The following DDX10 variants were observed in gnomAD, a reference collection of about 807,000 sequenced individuals.
DDX10 encodes the protein DEAD-box helicase 10.
Under a neutral mutation model 104.3 loss-of-function variants are expected in DDX10, and 74 were observed. The ratio of observed to expected loss-of-function variants is 0.71; its 90% confidence interval spans 0.59 to 0.86. The LOEUF (loss-of-function observed/expected upper bound fraction) is 0.86. Among genes scored for constraint, DDX10 ranks in the 40% least tolerant of loss-of-function variants. DDX10 has a pLI of 0.00. For synonymous variants in DDX10, 351 were observed against 353.4 expected, an observed-to-expected ratio of 0.99 and a Z score of 0.08; for missense variants, 952 against 1,040.0, an observed-to-expected ratio of 0.92 and a Z score of 1.16.
intron 13 of DDX10, among the ~76,000 whole-genome samples, chr11:108,791,584 A>G (rs1049750831): frequency 6.6e-6 from 1 of 152,118 alleles, no homozygotes; most frequent in African/African-American, 2.4e-5. Flanking sequence ...TCATCATTTC[A>G]TAGAGTTCTC....
intron 9 of DDX10, among the ~76,000 whole-genome samples, chr11:108,697,056 G>C (rs1289931142): frequency 6.6e-6 from 1 of 152,124 alleles, no homozygotes; most frequent in East Asian, 1.9e-4. Context: ...ACATTATTGT[G>C]TCTGAAGAGA....
chr11:108,884,124 C>T (rs897360626), intron 16 of DDX10, among the ~76,000 whole-genome samples: 1 of 152,174 alleles, frequency 6.6e-6, no homozygotes, highest in African/African-American at 2.4e-5. Flanking sequence ...TATTTAACTG[C>T]CTACTTAATA....
chr11:108,873,512 G>T (rs1863110042), intron 16 of DDX10, among the ~76,000 whole-genome samples: 1 of 152,002 alleles, frequency 6.6e-6, no homozygotes. Context: ...CTAATCTGTG[G>T]TTATCTTTGT....
intron 10 of DDX10, among the ~76,000 whole-genome samples, chr11:108,710,699 A>G (rs553689138): frequency 6.6e-6 from 1 of 152,194 alleles, no homozygotes; most frequent in African/African-American, 2.4e-5. Flanking sequence ...ATAGTTGTTT[A>G]TCATTTTCAA....
chr11:108,723,507 T>C (rs1360816779), intron 13 of DDX10, 45 bp downstream of exon 13: 3 of 1,532,692 alleles, frequency 2.0e-6, no homozygotes, highest in Non-Finnish European at 2.6e-6. Flanking sequence ...ATTGTCTTAC[T>C]ATGTGCTTAT....
At chr11:108,917,527 G>C (rs1413841482) in intron 16 of DDX10, among the ~76,000 whole-genome samples, 1 of 152,046 alleles carries the variant, frequency 6.6e-6, no homozygotes, top group Admixed American at 6.6e-5. Flanking sequence ...TCATCCTCCT[G>C]AGTAGCTGGG....
intron 13 of DDX10, among the ~76,000 whole-genome samples, chr11:108,821,733 A>G (rs1862327625): frequency 6.6e-6 from 1 of 152,228 alleles, no homozygotes; most frequent in African/African-American, 2.4e-5. Context: ...TTTTTAAAAA[A>G]ATGTGAGAAT....
At chr11:108,874,717 T>C (rs1364161468) in intron 16 of DDX10, among the ~76,000 whole-genome samples, 5 of 152,282 alleles carry the variant, frequency 3.3e-5, no homozygotes, top group East Asian at 1.9e-4. Context: ...TGTATCTCTT[T>C]AGTAGCTCTA....
At chr11:108,900,093 C>G (rs922203085) in intron 16 of DDX10, among the ~76,000 whole-genome samples, 1 of 150,926 alleles carries the variant, frequency 6.6e-6, no homozygotes, top group Non-Finnish European at 1.5e-5. Flanking sequence ...GCCTGGACAG[C>G]AAGAGCAAAA....
At chr11:108,926,507 C>T (rs1163491677) in intron 17 of DDX10, among the ~76,000 whole-genome samples, 2 of 152,142 alleles carry the variant, frequency 1.3e-5, no homozygotes, top group Non-Finnish European at 2.9e-5. Context: ...CCAGTTTTTT[C>T]CTCTCCTTTT....
intron 13 of DDX10, chr11:108,727,902 C>A (rs140298505): frequency 1.1e-5 from 2 of 175,562 alleles, no homozygotes; most frequent in Non-Finnish European, 2.4e-5. Context: ...TCAACTTTAG[C>A]GTTCCTATTT....
chr11:108,720,227 G>C (rs1023248481), intron 12 of DDX10, among the ~76,000 whole-genome samples: 1 of 152,166 alleles, frequency 6.6e-6, no homozygotes, highest in African/African-American at 2.4e-5. Flanking sequence ...TCAGGGAGCA[G>C]TTTATTATTT....
At chr11:108,678,190 T>C (rs1565243414) in intron 4 of DDX10, 125 bp from the exon 5 acceptor site, 1 of 938,604 alleles carries the variant, frequency 1.1e-6, no homozygotes. Flanking sequence ...GGAAAAGTTA[T>C]GTTTATTTCC....
intron 1 of DDX10, among the ~76,000 whole-genome samples, chr11:108,672,114 A>C (rs890216350): frequency 6.6e-6 from 1 of 151,254 alleles, no homozygotes; most frequent in Non-Finnish European, 1.5e-5. Context: ...TTTCTGTTGT[A>C]ATGCTTGATT....
At chr11:108,929,793 T>C (rs1863953387) in intron 17 of DDX10, 1 of 152,202 alleles carries the variant, frequency 6.6e-6, no homozygotes. Flanking sequence ...CTCAATTTAA[T>C]TAAGTTATAA....
At chr11:108,780,391 T>C (rs2094376554) in intron 13 of DDX10, among the ~76,000 whole-genome samples, 1 of 152,174 alleles carries the variant, frequency 6.6e-6, no homozygotes, top group African/African-American at 2.4e-5. Context: ...GGAAATCCTT[T>C]TGAGATGACT....
At chr11:108,702,762 ATTC>A (rs1169997041) in intron 9 of DDX10, among the ~76,000 whole-genome samples, 2 of 152,164 alleles carry the variant, frequency 1.3e-5, no homozygotes, top group African/African-American at 4.8e-5. Context: ...TCTGTTGAGT[ATTC>A]TTGTTTCTGG....
chr11:108,677,191 G>A lies in DDX10; in HGVS notation c.485G>A (p.Arg162Gln), dbSNP rs371733323. The A allele has an allele frequency of 8.1e-6, 13 of 1,613,742 alleles. No individual in the cohort carries two copies. The highest frequency in any genetic ancestry group is 2.7e-5 in the African/African-American group (2 of 74,852). The change falls in exon 4 of 18, where the codon CGA becomes CAA. Residue 162 changes from arginine to glutamine, a missense_variant. Around this residue, in one of 3 missense-constraint regions of DDX10, gnomAD observed 412 missense variants for 479.2 expected, o/e 0.86. Transcript: ENST00000322536. Reference sequence around the variant, plus strand: ...GCCTATCAGACCTTTGAGGTTCTCCGAAAAGTAGGAAAGAATCATGACTTC... The same window carrying A: ...GCCTATCAGACCTTTGAGGTTCTCCAAAAAGTAGGAAAGAATCATGACTTC... ...ELAYQTFEVL[R>Q]KVGKNHDFSA... is the part of the protein sequence containing the mutation.
intron 15 of DDX10, among the ~76,000 whole-genome samples, chr11:108,847,965 T>C (rs115677075): frequency 0.01 from 1,560 of 152,268 alleles, 21 homozygotes; most frequent in African/African-American, 0.036. Flanking sequence ...TTTATGCTTT[T>C]TAACTATTCA....
Sources: gnomAD v4.1 joint callset for allele counts (sites outside exome capture counted in the v4.1 genomes callset) on GRCh38, gnomAD v4.1.1 for gene constraint, gnomAD v4.1.1 regional missense constraint, MANE v1.5 for transcripts, NCBI Gene and HGNC (gene_info 2026-07-23, HGNC 2026-07-21) for gene names.